PRRX1: variants seen among roughly 807,000 people sequenced by gnomAD.
The protein encoded by PRRX1 is paired related homeobox 1.
In PRRX1, 8 loss-of-function variants were observed where a neutral mutation model predicts 24.0. The ratio of observed to expected loss-of-function variants is 0.33; its 90% CI spans 0.20 to 0.60. The LOEUF is 0.60. Among genes scored for constraint, PRRX1 ranks in the 20% least tolerant of loss-of-function variants. The pLI, the probability that PRRX1 is intolerant of heterozygous loss-of-function variation, is 0.82. For synonymous variants in PRRX1, 160 were observed against 131.7 expected, an observed-to-expected ratio of 1.22 and a Z score of -1.47; for missense variants, 281 against 322.4, an observed-to-expected ratio of 0.87 and a Z score of 0.98.
At chr1:170,663,844 C>A (rs1342567929), upstream of PRRX1, 5 of 204,292 alleles carry the variant, frequency 2.4e-5, no homozygotes, top group South Asian at 1.5e-4. Context: ...TTAGTCTGTG[C>A]GTGTGGACAC....
chr1:170,670,436 A>G, intron 1 of PRRX1, among the ~76,000 whole-genome samples: 1 of 152,166 alleles, frequency 6.6e-6, no homozygotes, highest in Non-Finnish European at 1.5e-5. Context: ...TTCTAAAATC[A>G]ATAAGTTAGG....
At chr1:170,724,747 A>C (rs994589528) in intron 2 of PRRX1, among the ~76,000 whole-genome samples, 1 of 152,084 alleles carries the variant, frequency 6.6e-6, no homozygotes, top group Non-Finnish European at 1.5e-5. Flanking sequence ...TTTGTTGAGG[A>C]TTGTCTTGGC....
At chr1:170,696,832 G>A (rs1415699565) in intron 1 of PRRX1, among the ~76,000 whole-genome samples, 2 of 152,178 alleles carry the variant, frequency 1.3e-5, no homozygotes, top group East Asian at 1.9e-4. Context: ...CTGTATGAAA[G>A]CTTTAATTTA....
intron 1 of PRRX1, among the ~76,000 whole-genome samples, chr1:170,715,101 T>TC (rs1654865888): frequency 6.6e-6 from 1 of 152,184 alleles, no homozygotes; most frequent in Non-Finnish European, 1.5e-5. Context: ...CAAGGCTTTT[T>TC]CCCTCTCTAA....
At chr1:170,689,838 C>CT (rs1558049681) in intron 1 of PRRX1, among the ~76,000 whole-genome samples, 1,656 of 55,078 alleles carry the variant, frequency 0.03, 84 homozygotes, top group African/African-American at 0.082. Context: ...CTCTCTCTCT[C>CT]CCTCTCTCTC....
At chr1:170,733,714 A>C (rs1171390106) in intron 3 of PRRX1, among the ~76,000 whole-genome samples, 1 of 152,156 alleles carries the variant, frequency 6.6e-6, no homozygotes, top group Non-Finnish European at 1.5e-5. Flanking sequence ...ATTTTATAAT[A>C]ATCTATGACT....
In PRRX1 at chr1:170,716,710, A is replaced by G. The variant is rs117304303; in HGVS notation, c.242-3016A>G. 1.1e-3 allele frequency among the ~76,000 whole-genome samples: 173 copies of G among 152,330 alleles called. No homozygotes were observed. In the East Asian group the frequency reaches 0.03, roughly 27 times the overall value. On this transcript the variant is annotated intron_variant, in intron 1 of 3. Coordinates refer to ENST00000239461, the MANE Select transcript of PRRX1 (RefSeq NM_022716.4). Reference sequence around the variant, plus strand: ...TCCAGTTGGATGTCAGTATCTTCAGACAGCATGTTTCAAAATCAACTTTCA... The same window carrying G: ...TCCAGTTGGATGTCAGTATCTTCAGGCAGCATGTTTCAAAATCAACTTTCA...
Position 170,664,312 on chromosome 1 carries a change from AAG to A in PRRX1, c.96_97del (p.Asn33LeufsTer22), listed in dbSNP as rs766402696. Reference protein sequence around the residue: ...PGNLDTLQAKKNFSVSHLLDL... With the variant: ...PGNLDTLQAKXNFSVSHLLDL... ...CAACCTCGACACCCTGCAGGCGAAA[AAG>A]AACTTCTCCGTCAGTCACCTGCTAG... On this transcript the variant is annotated frameshift_variant, in exon 1 of 4. Transcript: ENST00000239461. LOFTEE classifies it high-confidence loss of function. 6.2e-7 allele frequency: 1 copy of A among 1,613,676 alleles called. No homozygotes were observed.
At chr1:170,679,229 C>T (rs190126204) in intron 1 of PRRX1, among the ~76,000 whole-genome samples, 8 of 152,224 alleles carry the variant, frequency 5.3e-5, no homozygotes, top group East Asian at 1.9e-4. Context: ...GCTTAACAAA[C>T]GGTTGCTGAA....
intron 1 of PRRX1, chr1:170,668,025 A>G (rs1468515616): frequency 6.6e-6 from 1 of 151,636 alleles, no homozygotes; most frequent in Non-Finnish European, 1.5e-5. Context: ...CTTGGTTGAT[A>G]TTCACTACAC....
intron 1 of PRRX1, among the ~76,000 whole-genome samples, chr1:170,687,134 T>C (rs148609543): frequency 1.6e-3 from 233 of 146,456 alleles, no homozygotes; most frequent in African/African-American, 5.3e-3. Flanking sequence ...CTCTCTCTCT[T>C]TTTTTTTTAA....
At chr1:170,672,533 C>G (rs1285517917) in intron 1 of PRRX1, among the ~76,000 whole-genome samples, 4 of 152,288 alleles carry the variant, frequency 2.6e-5, no homozygotes, top group Admixed American at 6.5e-5. Context: ...CCTCACAGTG[C>G]TGGAAAGTGG....
intron 1 of PRRX1, chr1:170,669,561 A>G (rs1045858763): frequency 6.6e-6 from 1 of 151,850 alleles, no homozygotes; most frequent in African/African-American, 2.4e-5. Flanking sequence ...AACCACGACA[A>G]TCCCTAGACC....
intron 1 of PRRX1, among the ~76,000 whole-genome samples, chr1:170,704,980 T>C (rs1654508827): frequency 6.6e-6 from 1 of 152,200 alleles, no homozygotes; most frequent in Non-Finnish European, 1.5e-5. Flanking sequence ...GGCTTTGGTC[T>C]GAACTTTGAA....
At chr1:170,665,685 AG>A (rs1389025481) in intron 1 of PRRX1, among the ~76,000 whole-genome samples, 1 of 152,262 alleles carries the variant, frequency 6.6e-6, no homozygotes, top group Non-Finnish European at 1.5e-5. Flanking sequence ...AATTGGAAAC[AG>A]GGTCCGGGCA....
At chr1:170,697,630 A>C (rs1654213245) in intron 1 of PRRX1, among the ~76,000 whole-genome samples, 1 of 149,628 alleles carries the variant, frequency 6.7e-6, no homozygotes, top group Non-Finnish European at 1.5e-5. Context: ...GGAATCCTTA[A>C]AAAAAGATAT....
At chr1:170,678,882 A>G (rs982817676) in intron 1 of PRRX1, among the ~76,000 whole-genome samples, 2 of 152,234 alleles carry the variant, frequency 1.3e-5, no homozygotes, top group African/African-American at 2.4e-5. Context: ...TTGCATCAGA[A>G]TGAACTGAGG....
chr1:170,663,667 C>T (rs12121907), upstream of PRRX1: 21,948 of 152,390 alleles, frequency 0.14, 2,011 homozygotes, highest in Middle Eastern at 0.31. Flanking sequence ...TGGAACAAGC[C>T]TTCTTCTGTT....
At chr1:170,710,056 C>T (rs1307788699) in intron 1 of PRRX1, among the ~76,000 whole-genome samples, 1 of 152,124 alleles carries the variant, frequency 6.6e-6, no homozygotes, top group Non-Finnish European at 1.5e-5. Context: ...ACATTGATTT[C>T]AGTCTGGAGT....
Sources: allele counts gnomAD v4.1 joint callset (sites outside exome capture counted in the v4.1 genomes callset), GRCh38; gene constraint gnomAD v4.1.1; transcripts MANE v1.5; gene names NCBI Gene and HGNC (gene_info 2026-07-23, HGNC 2026-07-21).